The following LRP1B variants were observed in gnomAD, a reference collection of about 807,000 sequenced individuals.
LRP1B encodes the protein LDL receptor related protein 1B, also known as low-density lipoprotein receptor-related protein 1B.
Under a neutral mutation model 556.6 loss-of-function variants are expected in LRP1B, and 217 were observed. The ratio of observed to expected loss-of-function variants is 0.39; its 90% confidence interval spans 0.35 to 0.44. LRP1B has a LOEUF of 0.44. Among genes scored for constraint, LRP1B ranks in the 20% least tolerant of loss-of-function variants. The pLI is 1.00. For synonymous variants in LRP1B, 2,047 were observed against 1,865.8 expected (o/e 1.10, Z -2.50); for missense variants, 5,053 against 5,620.8 (o/e 0.90, Z 3.23).
intron 3 of LRP1B, among the ~76,000 whole-genome samples, chr2:141,376,282 G>T (rs1026879274): frequency 4.6e-5 from 7 of 152,154 alleles, no homozygotes; most frequent in African/African-American, 1.7e-4. Flanking sequence ...TGAGTCTAGG[G>T]TGTCTCCTAT....
At chr2:142,077,103 G>T (rs1041234029) in intron 1 of LRP1B, among the ~76,000 whole-genome samples, 1 of 151,988 alleles carries the variant, frequency 6.6e-6, no homozygotes, top group Non-Finnish European at 1.5e-5. Flanking sequence ...TAAGCATAAA[G>T]GCAAGTTGTA....
At chr2:141,524,485 C>T (rs1455496879) in intron 2 of LRP1B, among the ~76,000 whole-genome samples, 2 of 151,962 alleles carry the variant, frequency 1.3e-5, no homozygotes, top group African/African-American at 4.8e-5. Flanking sequence ...CTCTGTAGGC[C>T]ACATGCGGCC....
At chr2:141,858,500 T>C (rs16847403) in intron 1 of LRP1B, among the ~76,000 whole-genome samples, 46,219 of 151,968 alleles carry the variant, frequency 0.3, 7,565 homozygotes, top group African/African-American at 0.4. Context: ...CAGATCCAGA[T>C]ATAGAGTTGG....
chr2:140,907,700 T>C (rs1347411852), intron 22 of LRP1B, among the ~76,000 whole-genome samples, 177 bp downstream of exon 22: 4 of 152,168 alleles, frequency 2.6e-5, no homozygotes, highest in African/African-American at 4.8e-5. Context: ...TCTGATCACA[T>C]TGAAGACTTT....
intron 1 of LRP1B, among the ~76,000 whole-genome samples, chr2:141,997,090 G>A (rs931136705): frequency 2.6e-5 from 4 of 152,082 alleles, no homozygotes; most frequent in African/African-American, 9.7e-5. Flanking sequence ...AGAAAACTGA[G>A]TATGAGTGCT....
At chr2:141,599,219 T>C (rs1233945525) in intron 2 of LRP1B, among the ~76,000 whole-genome samples, 2 of 152,000 alleles carry the variant, frequency 1.3e-5, no homozygotes, top group South Asian at 2.1e-4. Flanking sequence ...TACTGCCAAA[T>C]TGGTCTGGGA....
Position 140,700,314 on chromosome 2 carries a change from A to C in LRP1B, c.6735T>G (p.Asp2245Glu). The C allele has an allele frequency of 1.2e-6, 2 of 1,612,768 alleles. No individual in the cohort carries two copies. Among genetic ancestry groups the C allele is most frequent in the Non-Finnish European group, 1.7e-6 (2 of 1,179,172 alleles). ...TAAGCTGTATATTTCCAAAGTGTGCATCACTGTAAAAGATTCGGTTGGTAC... is the reference window on the plus strand; with the variant it reads ...TAAGCTGTATATTTCCAAAGTGTGCCTCACTGTAAAAGATTCGGTTGGTAC... The part of the protein sequence containing the change: ...RKGTNRIFYS[D>E]AHFGNIQLIK... Residue 2245 changes from aspartate to glutamate, a missense_variant, in exon 41 of 91, where the codon GAT becomes GAG. By Grantham distance (45) the Asp-to-Glu change is conservative (BLOSUM62 2). This residue lies in a region of LRP1B where 3,619 missense variants were observed against 3,931.9 expected (regional missense o/e 0.92). Transcript: ENST00000389484.
intron 7 of LRP1B, among the ~76,000 whole-genome samples, chr2:141,070,434 T>A (rs796087459): frequency 2.1e-4 from 31 of 150,800 alleles, no homozygotes; most frequent in Middle Eastern, 3.4e-3. Context: ...CTAACATCAC[T>A]ATTAAAAGAA....
intron 35 of LRP1B, among the ~76,000 whole-genome samples, chr2:140,736,391 T>C (rs1026141750): frequency 1.3e-5 from 2 of 152,062 alleles, no homozygotes; most frequent in African/African-American, 4.8e-5. Flanking sequence ...TTGTTTCATA[T>C]GGAACCAAAA....
At chr2:140,533,064 A>C (rs1690791307) in intron 47 of LRP1B, among the ~76,000 whole-genome samples, 1 of 151,216 alleles carries the variant, frequency 6.6e-6, no homozygotes, top group Non-Finnish European at 1.5e-5. Context: ...ATTGCACTCA[A>C]TAAAGTGTGT....
intron 65 of LRP1B, among the ~76,000 whole-genome samples, chr2:140,444,080 G>A (rs187209719): frequency 3.9e-4 from 59 of 152,208 alleles, no homozygotes; most frequent in African/African-American, 1.3e-3. Context: ...AGGATGATGT[G>A]GATGAATGAA....
At chr2:140,342,336 C>T (rs898750760) in intron 77 of LRP1B, among the ~76,000 whole-genome samples, 5 of 151,062 alleles carry the variant, frequency 3.3e-5, no homozygotes, top group African/African-American at 1.2e-4. Context: ...CAGTGAAGGC[C>T]AATTATGCAT....
intron 15 of LRP1B, among the ~76,000 whole-genome samples, chr2:141,001,785 C>A (rs995665842): frequency 6.6e-6 from 1 of 152,052 alleles, no homozygotes; most frequent in African/African-American, 2.4e-5. Context: ...TGTGCGTGTG[C>A]GTGCGCACGC....
At chr2:140,885,037 C>A (rs1022438575) in intron 24 of LRP1B, among the ~76,000 whole-genome samples, 2 of 152,102 alleles carry the variant, frequency 1.3e-5, no homozygotes, top group Non-Finnish European at 2.9e-5. Context: ...TTTTAAATAC[C>A]TTTTCTGATA....
At chr2:141,554,980 C>A (rs777225357) in intron 2 of LRP1B, among the ~76,000 whole-genome samples, 1 of 151,914 alleles carries the variant, frequency 6.6e-6, no homozygotes, top group South Asian at 2.1e-4. Flanking sequence ...TTGGGAACTG[C>A]GTAACCTAAT....
In LRP1B at chr2:141,032,211, G is replaced by T. The variant is rs1698392344; in HGVS notation, c.1790-12109C>A. Among the ~76,000 whole-genome samples the T allele has an allele frequency of 2.0e-5, 3 of 151,968 alleles. No individual in the cohort carries two copies. In the South Asian group the frequency reaches 6.2e-4, roughly 32 times the overall value. On this transcript the variant is annotated intron_variant, in intron 11 of 90. Coordinates refer to ENST00000389484, the MANE Select transcript of LRP1B (RefSeq NM_018557.3). Reference sequence around the variant, plus strand: ...GGTTTTGTTGATTTAAGTATATATAGCTCTACCTCATTCATTTTAACGGCT... The same window carrying T: ...GGTTTTGTTGATTTAAGTATATATATCTCTACCTCATTCATTTTAACGGCT...
rs141854585 is a variant in LRP1B, at chr2:140,651,156, T to C, written c.6799+49094A>G. Among the ~76,000 whole-genome samples, 430 of 152,088 alleles carry C rather than the reference T, an allele frequency of 2.8e-3. 2 individuals carry two copies. Among genetic ancestry groups the C allele is most frequent in the African/African-American group, 0.01 (419 of 41,508 alleles). On this transcript the variant is annotated intron_variant, in intron 41 of 90. Transcript: ENST00000389484. Reference sequence around the variant, plus strand: ...AGGAAACACCAGAACCATCTGGCAGTAAGTTTGGGAGATAAGAACGGGCAG... The same window carrying C: ...AGGAAACACCAGAACCATCTGGCAGCAAGTTTGGGAGATAAGAACGGGCAG...
rs1699849964 is a variant in LRP1B, at chr2:141,078,610, G to A, written c.1014-16337C>T. On this transcript the variant is annotated intron_variant, in intron 7 of 90. Coordinates refer to ENST00000389484, the MANE Select transcript of LRP1B (RefSeq NM_018557.3). The stretch of plus-strand genomic sequence containing the variant: ...TGTGTAAGTGCAACAGAAAAAGCCT[G>A]CCAAGAGGGAGAGAGAAAGAGAAAG... Among the ~76,000 whole-genome samples, 2 of 78,534 alleles carry A rather than the reference G, an allele frequency of 2.5e-5. 1 individual carries two copies. Among genetic ancestry groups the A allele is most frequent in the South Asian group, 8.7e-4 (2 of 2,308 alleles). 51.5% of individuals were successfully genotyped at this position (78,534 alleles called of 152,430 possible).
intron 1 of LRP1B, among the ~76,000 whole-genome samples, chr2:141,857,181 G>A (rs780944075): frequency 5.3e-5 from 8 of 152,018 alleles, no homozygotes; most frequent in Non-Finnish European, 7.4e-5. Context: ...GAGGTATAAA[G>A]TCAACCTTCA....
Sources: allele counts gnomAD v4.1 joint callset (sites outside exome capture counted in the v4.1 genomes callset), GRCh38; gene constraint gnomAD v4.1.1; regional missense constraint gnomAD v4.1.1; transcripts MANE v1.5; gene names NCBI Gene and HGNC (gene_info 2026-07-23, HGNC 2026-07-21).